The following MRPL42 variants were observed in gnomAD, a reference collection of about 807,000 sequenced individuals.
MRPL42 encodes large ribosomal subunit protein mL42.
A neutral mutation model predicts 17.9 loss-of-function variants in MRPL42; 17 were observed. The observed-to-expected ratio is 0.95, with a 90% CI of 0.65 to 1.42. The LOEUF is 1.42. MRPL42 is among the 40% of genes most tolerant of loss of function. The pLI is 0.00. For synonymous variants in MRPL42, 59 were observed against 54.4 expected (o/e 1.08, Z -0.37); for missense variants, 177 against 175.2 (o/e 1.01, Z -0.06).
intron 5 of MRPL42, chr12:93,488,315 G>A (rs545796074): frequency 3.5e-5 from 14 of 398,150 alleles, no homozygotes; most frequent in East Asian, 2.1e-4. Context: ...ACTGTGTTGC[G>A]CAGGCTGATT....
At position 93,511,650 on chromosome 12, in the gene MRPL42, G is replaced by A. The variant is rs1055464226; in HGVS notation, c.*10429G>A. On this transcript the variant is annotated 3_prime_UTR_variant, in exon 6 of 6. Coordinates refer to ENST00000549982, the MANE Select transcript of MRPL42 (RefSeq NM_014050.4). ...TTAATATATAGATATTACTAATATG[G>A]CAATTAGTTTATATGCTATTTGAAT... 7 of 152,148 alleles carry A rather than the reference G, an allele frequency of 4.6e-5. No homozygotes were observed. Among genetic ancestry groups the A allele is most frequent in the Non-Finnish European group, 8.8e-5 (6 of 68,026 alleles). 9.4% of individuals were successfully genotyped at this position (152,148 alleles called of 1,614,324 possible).
chr12:93,486,401 A>G (rs994276230), intron 4 of MRPL42, among the ~76,000 whole-genome samples: 3 of 151,944 alleles, frequency 2.0e-5, no homozygotes, highest in East Asian at 1.9e-4. Flanking sequence ...CTGGAGTGCA[A>G]TGGTGCAATC....
chr12:93,490,114 G>GTTCC (rs1953385590), intron 5 of MRPL42, among the ~76,000 whole-genome samples: 1 of 152,088 alleles, frequency 6.6e-6, no homozygotes, highest in South Asian at 2.1e-4. Flanking sequence ...TTTCCTGCAT[G>GTTCC]TTCCATATTG....
At chr12:93,472,906 G>T (rs1879977477) in intron 2 of MRPL42, among the ~76,000 whole-genome samples, 1 of 152,084 alleles carries the variant, frequency 6.6e-6, no homozygotes, top group Non-Finnish European at 1.5e-5. Flanking sequence ...GCCCTCATAA[G>T]TTCACCCAGG....
At position 93,504,108 on chromosome 12, in the gene MRPL42, G is replaced by A. The variant is rs1476793357; in HGVS notation, c.*2887G>A. On this transcript the variant is annotated 3_prime_UTR_variant, in exon 6 of 6. Transcript: ENST00000549982. ...TTGAATCACCATGTCCGGCATCCAT[G>A]TTTATGTACATTTTTAAAGTCAGTG... The A allele has an allele frequency of 6.5e-6, 1 of 153,066 alleles. No individual in the cohort carries two copies. Among genetic ancestry groups the A allele is most frequent in the Non-Finnish European group, 1.5e-5 (1 of 67,944 alleles). The allele number at this position is 153,066 out of a possible 1,614,324, so 9.5% of individuals were successfully genotyped here. A position where few individuals can be genotyped will look rare whatever the true frequency, so the allele number is the denominator to read the frequency against.
chr12:93,472,940 CTG>C (rs1879978853), intron 2 of MRPL42, among the ~76,000 whole-genome samples: 2 of 152,288 alleles, frequency 1.3e-5, no homozygotes, highest in African/African-American at 4.8e-5. Context: ...TAAACAAAAA[CTG>C]TGACCAAAAT....
chr12:93,512,904 G>A lies in MRPL42; in HGVS notation c.*11683G>A, dbSNP rs1002878073. The A allele has an allele frequency of 3.0e-4, 45 of 152,256 alleles. No individual in the cohort carries two copies. Among genetic ancestry groups the A allele is most frequent in the African/African-American group, 1.1e-3 (45 of 41,564 alleles). 9.4% of individuals were successfully genotyped at this position (152,256 alleles called of 1,614,324 possible). ...TTGTTCTAACTGGCAACTAATGAAG[G>A]ATTAAAAATGAATTTTGAAAATACC... On this transcript the variant is annotated 3_prime_UTR_variant, in exon 6 of 6. Coordinates refer to ENST00000549982, the MANE Select transcript of MRPL42 (RefSeq NM_014050.4).
chr12:93,479,373 C>A lies in MRPL42; in HGVS notation c.135-15C>A. 3 of 1,522,540 alleles carry A rather than the reference C, an allele frequency of 2.0e-6. No homozygotes were observed. Among genetic ancestry groups the A allele is most frequent in the Non-Finnish European group, 1.8e-6 (2 of 1,121,230 alleles). 94.3% of individuals were successfully genotyped at this position (1,522,540 alleles called of 1,614,324 possible). On this transcript the variant is annotated splice_polypyrimidine_tract_variant and intron_variant, in intron 3 of 5. Coordinates refer to ENST00000549982, the MANE Select transcript of MRPL42 (RefSeq NM_014050.4). Reference sequence around the variant, plus strand: ...ATACAGTATAACTTTATTTCTAAAACATTCTTTTTTTTAGCAACGTAGAGC... The same window carrying A: ...ATACAGTATAACTTTATTTCTAAAAAATTCTTTTTTTTAGCAACGTAGAGC...
chr12:93,489,264 G>A (rs1953366686), intron 5 of MRPL42, among the ~76,000 whole-genome samples: 1 of 152,088 alleles, frequency 6.6e-6, no homozygotes, highest in South Asian at 2.1e-4. Flanking sequence ...TTCACAGATA[G>A]AGGAAACAGC....
chr12:93,479,495 C>T (rs766823417), intron 4 of MRPL42, 23 bp downstream of exon 4: 6 of 1,532,632 alleles, frequency 3.9e-6, no homozygotes, highest in South Asian at 2.3e-5. Context: ...AAATTTCTTG[C>T]AGTTTTTAAT....
intron 5 of MRPL42, among the ~76,000 whole-genome samples, chr12:93,497,640 C>G (rs1028970531): frequency 1.4e-4 from 21 of 151,840 alleles, no homozygotes; most frequent in African/African-American, 5.1e-4. Flanking sequence ...CAAGCAAAAG[C>G]TGAGATCATT....
intron 4 of MRPL42, among the ~76,000 whole-genome samples, chr12:93,487,011 C>T (rs1880773994): frequency 6.6e-6 from 1 of 151,716 alleles, no homozygotes; most frequent in Non-Finnish European, 1.5e-5. Flanking sequence ...ACTCTGTCAC[C>T]CAGGCTGGAG....
chr12:93,502,623 A>G lies in MRPL42; in HGVS notation c.*1402A>G, dbSNP rs988001147. ...TTCATTTGGAAAGATTAAAAAAACA[A>G]GTTTGATTGAACTTGATAAATCAGA... On this transcript the variant is annotated 3_prime_UTR_variant, in exon 6 of 6. Transcript: ENST00000549982. 1.3e-5 allele frequency: 2 copies of G among 152,180 alleles called. No homozygotes were observed. The highest frequency in any genetic ancestry group is 1.3e-4 in the Admixed American group (2 of 15,264). 9.4% of individuals were successfully genotyped at this position (152,180 alleles called of 1,614,324 possible). A position where few individuals can be genotyped will look rare whatever the true frequency, so the allele number is the denominator to read the frequency against.
At chr12:93,478,301 G>T (rs1880281795) in intron 3 of MRPL42, among the ~76,000 whole-genome samples, 1 of 152,036 alleles carries the variant, frequency 6.6e-6, no homozygotes, top group East Asian at 1.9e-4. Context: ...AGACTGGAGT[G>T]CAGTGGCGCT....
chr12:93,483,353 A>G (rs1451344382), intron 4 of MRPL42, among the ~76,000 whole-genome samples: 1 of 152,182 alleles, frequency 6.6e-6, no homozygotes, highest in Non-Finnish European at 1.5e-5. Flanking sequence ...TGTTACGTGA[A>G]CATCATAGAG....
At chr12:93,500,972 A>G (rs1336158782) in intron 5 of MRPL42, 7 of 379,534 alleles carry the variant, frequency 1.8e-5, no homozygotes, top group Admixed American at 4.6e-5. Context: ...CAGTCTCTAG[A>G]AAAAAAAAAT....
At chr12:93,478,538 C>T (rs183921121) in intron 3 of MRPL42, among the ~76,000 whole-genome samples, 40 of 152,250 alleles carry the variant, frequency 2.6e-4, no homozygotes, top group African/African-American at 8.4e-4. Flanking sequence ...TGAGCTACCA[C>T]GCCTGGCCTT....
At chr12:93,472,507 G>A (rs936650283) in intron 2 of MRPL42, among the ~76,000 whole-genome samples, 10 of 152,190 alleles carry the variant, frequency 6.6e-5, no homozygotes, top group African/African-American at 2.4e-4. Flanking sequence ...AAGATTGCTT[G>A]AGCCCAGGAG....
chr12:93,481,263 T>C (rs2169230), intron 4 of MRPL42, among the ~76,000 whole-genome samples: 108,044 of 151,984 alleles, frequency 0.71, 38,720 homozygotes, highest in African/African-American at 0.77. Flanking sequence ...CCTTCACCTT[T>C]TGACTCTAAT....
Sources: gnomAD v4.1 joint callset for allele counts (sites outside exome capture counted in the v4.1 genomes callset) on GRCh38, gnomAD v4.1.1 for gene constraint, MANE v1.5 for transcripts, NCBI Gene and HGNC (gene_info 2026-07-23, HGNC 2026-07-21) for gene names.